DACH2: variants seen among roughly 807,000 people sequenced by gnomAD.
The protein encoded by DACH2 is dachshund homolog 2.
Under a neutral mutation model 35.8 loss-of-function variants are expected in DACH2, and 17 were observed. The observed-to-expected ratio is 0.48, with a 90% CI of 0.33 to 0.71. The LOEUF is 0.71. Ranked by LOEUF, DACH2 falls within the 30% of genes least tolerant of loss-of-function variation. The pLI is 0.02. For synonymous variants in DACH2, 195 were observed against 177.3 expected, an observed-to-expected ratio of 1.10 and a Z score of -0.79; for missense variants, 469 against 472.7, an observed-to-expected ratio of 0.99 and a Z score of 0.07.
intron 11 of DACH2, among the ~76,000 whole-genome samples, chrX:86,819,233 G>A (rs934923934): frequency 1.3e-4 from 14 of 109,558 alleles, no homozygotes; most frequent in Admixed American, 2.0e-4. Flanking sequence ...TGGTGATCAC[G>A]CAATGTGTAT....
At chrX:86,479,162 T>G (rs765761357) in intron 2 of DACH2, among the ~76,000 whole-genome samples, 1 of 111,522 alleles carries the variant, frequency 9.0e-6, no homozygotes, top group Non-Finnish European at 1.9e-5. Context: ...CCTGTCGGCA[T>G]CTGCCTGTGT....
chrX:86,724,235 T>C (rs1303115641), intron 6 of DACH2, among the ~76,000 whole-genome samples: 3 of 112,104 alleles, frequency 2.7e-5, no homozygotes, highest in Non-Finnish European at 5.6e-5. Flanking sequence ...AATTCCATCA[T>C]GTTGTCATTT....
chrX:86,537,719 C>G (rs1018786353), intron 3 of DACH2, among the ~76,000 whole-genome samples: 1 of 111,574 alleles, frequency 9.0e-6, no homozygotes, highest in Non-Finnish European at 1.9e-5. Context: ...TTACCTTCCA[C>G]AAAGCCCTTT....
At chrX:86,624,662 AG>A (rs2040112379) in intron 3 of DACH2, among the ~76,000 whole-genome samples, 1 of 112,048 alleles carries the variant, frequency 8.9e-6, no homozygotes, top group Admixed American at 9.5e-5. Flanking sequence ...AAATGGGAAA[AG>A]GAAGAAATCA....
At chrX:86,204,700 T>C (rs2032240275) in intron 1 of DACH2, among the ~76,000 whole-genome samples, 1 of 112,284 alleles carries the variant, frequency 8.9e-6, no homozygotes, top group Admixed American at 9.5e-5. Context: ...TAATTTTTAC[T>C]ATTTTTTGAT....
chrX:86,544,634 C>T (rs987999084), intron 3 of DACH2, among the ~76,000 whole-genome samples: 2 of 111,171 alleles, frequency 1.8e-5, no homozygotes, highest in Non-Finnish European at 3.8e-5. Flanking sequence ...ACAAGAGGTC[C>T]TGAAGTGAGT....
At chrX:86,317,663 G>A (rs1387337958) in intron 1 of DACH2, among the ~76,000 whole-genome samples, 2 of 112,176 alleles carry the variant, frequency 1.8e-5, no homozygotes, top group Non-Finnish European at 1.9e-5. Context: ...AGCACAGCAA[G>A]AGTGATCACC....
At chrX:86,250,363 A>G (rs1233528191) in intron 1 of DACH2, among the ~76,000 whole-genome samples, 1 of 111,251 alleles carries the variant, frequency 9.0e-6, no homozygotes, top group Non-Finnish European at 1.9e-5. Flanking sequence ...CTGGCAGGGT[A>G]TATTTGAGAA....
chrX:86,220,146 A>G (rs1198659154), intron 1 of DACH2, among the ~76,000 whole-genome samples: 1 of 88,811 alleles, frequency 1.1e-5, no homozygotes, highest in African/African-American at 4.5e-5. Flanking sequence ...AGCCTGGGTG[A>G]CAGAATGAGA....
intron 3 of DACH2, among the ~76,000 whole-genome samples, chrX:86,539,059 G>A (rs1042809695): frequency 9.0e-6 from 1 of 110,993 alleles, no homozygotes; most frequent in Non-Finnish European, 1.9e-5. Context: ...ATATTGTTTG[G>A]CTCTGTGTCC....
intron 2 of DACH2, among the ~76,000 whole-genome samples, chrX:86,378,051 G>C (rs2035994613): frequency 9.1e-6 from 1 of 109,988 alleles, no homozygotes; most frequent in African/African-American, 3.3e-5. Context: ...TCTAGGCTTG[G>C]ATATTGAAAG....
At chrX:86,777,049 C>T (rs902789383) in intron 7 of DACH2, among the ~76,000 whole-genome samples, 15 of 111,410 alleles carry the variant, frequency 1.3e-4, no homozygotes, top group Admixed American at 9.5e-5. Flanking sequence ...AGTAAACATA[C>T]GTGTGCATGT....
At chrX:86,735,178 T>G (rs2041581987) in intron 6 of DACH2, among the ~76,000 whole-genome samples, 1 of 111,831 alleles carries the variant, frequency 8.9e-6, no homozygotes, top group Admixed American at 9.5e-5. Flanking sequence ...TGCACATACA[T>G]ATTACCACAT....
At chrX:86,168,036 A>G (rs2031001975) in intron 1 of DACH2, among the ~76,000 whole-genome samples, 1 of 111,867 alleles carries the variant, frequency 8.9e-6, no homozygotes, top group South Asian at 3.7e-4. Flanking sequence ...GAAATATTCT[A>G]CAATTGTCTA....
chrX:86,204,883 CTAGTTTTGTTGGTTA>C (rs1208229638), intron 1 of DACH2, among the ~76,000 whole-genome samples: 3 of 111,421 alleles, frequency 2.7e-5, no homozygotes, highest in Non-Finnish European at 1.9e-5. Context: ...AAAATTTGGT[CTAGTTTTGTTGGTTA>C]TAGTTTTGTC....
At chrX:86,691,969 T>C (rs2041014982) in intron 4 of DACH2, among the ~76,000 whole-genome samples, 1 of 111,682 alleles carries the variant, frequency 9.0e-6, no homozygotes, top group South Asian at 3.7e-4. Context: ...CAAAGAGGCA[T>C]AAAAAATGCA....
chrX:86,708,176 T>C (rs1355668585), intron 5 of DACH2, among the ~76,000 whole-genome samples: 1 of 110,362 alleles, frequency 9.1e-6, no homozygotes, highest in Non-Finnish European at 1.9e-5. Context: ...AACCTACTGC[T>C]GACATCTTAC....
intron 1 of DACH2, among the ~76,000 whole-genome samples, chrX:86,263,209 T>C (rs2033658316): frequency 8.9e-6 from 1 of 111,807 alleles, no homozygotes; most frequent in African/African-American, 3.2e-5. Context: ...ATATAATATA[T>C]GGGGCAATTT....
chrX:86,639,433 A>G (rs1413868672), intron 3 of DACH2, among the ~76,000 whole-genome samples: 3 of 111,647 alleles, frequency 2.7e-5, no homozygotes, highest in Non-Finnish European at 3.8e-5. Flanking sequence ...CTGCTCAGGC[A>G]TGTGTTGGAG....
Sources: gnomAD v4.1 joint callset for allele counts (sites outside exome capture counted in the v4.1 genomes callset) on GRCh38, gnomAD v4.1.1 for gene constraint, MANE v1.5 for transcripts, NCBI Gene and HGNC (gene_info 2026-07-23, HGNC 2026-07-21) for gene names.